ZNF441: variants seen among roughly 807,000 people sequenced by gnomAD.
ZNF441 encodes zinc finger protein 441.
ZNF441 carries 25 observed loss-of-function variants against 64.5 expected under a neutral mutation model. That is an observed-to-expected ratio of 0.39 (90% CI 0.28 to 0.54). The LOEUF is 0.54. Ranked by LOEUF, ZNF441 falls within the 20% of genes least tolerant of loss-of-function variation. The pLI is 0.70. For missense variants in ZNF441, 715 were observed against 843.3 expected, an observed-to-expected ratio of 0.85 and a Z score of 1.88; for synonymous variants, 262 against 268.0, an observed-to-expected ratio of 0.98 and a Z score of 0.22.
chr19:11,774,513 C>T (rs1481692434), intron 1 of ZNF441, among the ~76,000 whole-genome samples: 1 of 151,954 alleles, frequency 6.6e-6, no homozygotes, highest in Non-Finnish European at 1.5e-5. Context: ...TTCATTTTAG[C>T]TGATTTTTTA....
intron 1 of ZNF441, among the ~76,000 whole-genome samples, chr19:11,769,942 G>A (rs1975300178): frequency 6.6e-6 from 1 of 152,048 alleles, no homozygotes; most frequent in Non-Finnish European, 1.5e-5. Flanking sequence ...CCAAAGTGCT[G>A]GGATTACAGG....
chr19:11,781,306 G>C lies in ZNF441; in HGVS notation c.1482G>C (p.Met494Ile), dbSNP rs770014756. ...ATCTGAAAAGCTTTCAGAGACACAT[G>C]ATAATGCACACTGGAGATGGACCTC... is the stretch of plus-strand genomic sequence containing the variant. ...LSHLKSFQRH[M>I]IMHTGDGPHK... Residue 494 changes from methionine (M) to isoleucine (I), a missense_variant, in exon 4 of 4, where the codon ATG (methionine) becomes ATC (isoleucine). By Grantham distance (10) the Met-to-Ile change is conservative. Transcript: ENST00000357901. The C allele has an allele frequency of 6.2e-7, 1 of 1,613,458 alleles. No individual in the cohort carries two copies. Among genetic ancestry groups the C allele is most frequent in the African/African-American group, 1.3e-5 (1 of 74,748 alleles).
intron 1 of ZNF441, among the ~76,000 whole-genome samples, chr19:11,773,331 T>A (rs909921366): frequency 6.6e-6 from 1 of 152,252 alleles, no homozygotes; most frequent in African/African-American, 2.4e-5. Context: ...TTTCTATTTT[T>A]AAAAATGTGT....
intron 3 of ZNF441, among the ~76,000 whole-genome samples, chr19:11,778,866 A>C (rs768194790): frequency 8.5e-5 from 13 of 152,232 alleles, no homozygotes; most frequent in Non-Finnish European, 1.5e-4. Flanking sequence ...GGCTATGGCT[A>C]TTCAGTGCCT....
In ZNF441 at chr19:11,780,455, T is replaced by C; in HGVS notation, c.631T>C (p.Phe211Leu). 6.2e-7 allele frequency: 1 copy of C among 1,614,200 alleles called. No individual in the cohort carries two copies. Among genetic ancestry groups the C allele is most frequent in the Middle Eastern group, 1.6e-4 (1 of 6,062 alleles). Reference sequence around the variant, plus strand: ...AAACGCCTTTATTTGGCCTAGTTTATTTCATATGCTTAGAAGAACTCACAC... The same window carrying C: ...AAACGCCTTTATTTGGCCTAGTTTACTTCATATGCTTAGAAGAACTCACAC... ...CGNAFIWPSL[F>L]HMLRRTHTEE... Residue 211 changes from phenylalanine to leucine, a missense_variant, in exon 4 of 4, where the codon TTT becomes CTT. Physicochemically the swap from Phe to Leu is conservative, Grantham distance 22. This residue lies in a region of ZNF441 where 399 missense variants were observed against 413.9 expected (regional missense o/e 0.96). Coordinates refer to ENST00000357901, the MANE Select transcript of ZNF441 (RefSeq NM_152355.3).
intron 1 of ZNF441, among the ~76,000 whole-genome samples, chr19:11,771,645 G>A (rs1975314079): frequency 6.6e-6 from 1 of 152,154 alleles, no homozygotes; most frequent in African/African-American, 2.4e-5. Context: ...AGGGGACATA[G>A]TGAGGTGTGA....
In ZNF441 at chr19:11,780,004, T is replaced by C. The variant is rs759328212; in HGVS notation, c.195-15T>C. 2.0e-5 allele frequency: 32 copies of C among 1,571,200 alleles called. No individual in the cohort carries two copies. Among genetic ancestry groups the C allele is most frequent in the Non-Finnish European group, 2.6e-5 (30 of 1,151,540 alleles). On this transcript the variant is annotated splice_polypyrimidine_tract_variant and intron_variant, in intron 3 of 3. Coordinates refer to ENST00000357901, the MANE Select transcript of ZNF441 (RefSeq NM_152355.3). ...ATAAACAAACCTTTACTAATGTACT[T>C]CTTATTTTTTACAGATGTCATATGG...
intron 1 of ZNF441, among the ~76,000 whole-genome samples, chr19:11,774,039 A>G (rs536644999): frequency 1.3e-5 from 2 of 152,100 alleles, no homozygotes; most frequent in Non-Finnish European, 1.5e-5. Context: ...CTGAGCATGT[A>G]TATGATTCCA....
At chr19:11,771,252 T>C (rs1231177289) in intron 1 of ZNF441, among the ~76,000 whole-genome samples, 1 of 152,178 alleles carries the variant, frequency 6.6e-6, no homozygotes, top group Non-Finnish European at 1.5e-5. Context: ...TAGGAACAAC[T>C]GCATGCCCAC....
rs1975422534 is a variant in ZNF441, at chr19:11,783,705, G to A, written c.*1799G>A. 6.6e-6 allele frequency: 1 copy of A among 152,128 alleles called. No individual in the cohort carries two copies. The highest frequency in any genetic ancestry group is 1.9e-4 in the East Asian group (1 of 5,198). 9.4% of individuals were successfully genotyped at this position (152,128 alleles called of 1,614,324 possible). A position where few individuals can be genotyped will look rare whatever the true frequency, so the allele number is the denominator to read the frequency against. On this transcript the variant is annotated 3_prime_UTR_variant, in exon 4 of 4. Transcript: ENST00000357901. ...TACCACATGTTCTCACTTATATGTG[G>A]GAGGTGAAAAACTTCACCTCATGGA... is the stretch of plus-strand genomic sequence containing the variant.
intron 1 of ZNF441, among the ~76,000 whole-genome samples, chr19:11,775,056 G>C (rs994196570): frequency 6.6e-6 from 1 of 152,180 alleles, no homozygotes; most frequent in African/African-American, 2.4e-5. Flanking sequence ...TAGATTTCCT[G>C]AATGCTAGCA....
In ZNF441 at chr19:11,780,328, C is replaced by T; in HGVS notation, c.504C>T (p.Leu168=). ...IHERPQHGKK[L]YDCKECASFS... ...AAAGACCTCAGCATGGAAAGAAACT[C>T]TATGATTGTAAGGAATGTGCAAGCT... The change falls in exon 4 of 4, where the codon CTC becomes CTT. Residue 168 remains leucine (L), a synonymous_variant. Coordinates refer to ENST00000357901, the MANE Select transcript of ZNF441 (RefSeq NM_152355.3). 1.2e-6 allele frequency: 2 copies of T among 1,614,164 alleles called. No homozygotes were observed. Among genetic ancestry groups the T allele is most frequent in the Admixed American group, 1.7e-5 (1 of 60,020 alleles).
chr19:11,771,195 G>A (rs946715960), intron 1 of ZNF441, among the ~76,000 whole-genome samples: 4 of 150,084 alleles, frequency 2.7e-5, no homozygotes, highest in Non-Finnish European at 5.9e-5. Flanking sequence ...AGAAAGGGGG[G>A]TTATGATTAC....
chr19:11,778,815 T>G (rs2145083232), intron 3 of ZNF441, among the ~76,000 whole-genome samples: 1 of 152,346 alleles, frequency 6.6e-6, no homozygotes, highest in South Asian at 2.1e-4. Context: ...TTATTTATTC[T>G]TAGAAAATTT....
chr19:11,772,390 G>A (rs550359718), intron 1 of ZNF441, among the ~76,000 whole-genome samples: 38 of 152,250 alleles, frequency 2.5e-4, no homozygotes, highest in African/African-American at 8.4e-4. Flanking sequence ...TGTGGGGCTG[G>A]TCCCTACACC....
Position 11,780,042 on chromosome 19 carries a change from G to C in ZNF441, c.218G>C (p.Cys73Ser). Residue 73 changes from cysteine to serine, a missense_variant, in exon 4 of 4, where the codon TGT becomes TCT. Coordinates refer to ENST00000357901, the MANE Select transcript of ZNF441 (RefSeq NM_152355.3). ...AGATGTCATATGGTAGAGAGAGCCT[G>C]TGAAATTAAAGATAATAGTCAATGT... ...NLRCHMVERA[C>S]EIKDNSQCGG... The C allele has an allele frequency of 6.2e-7, 1 of 1,611,882 alleles. No individual in the cohort carries two copies. Among genetic ancestry groups the C allele is most frequent in the Non-Finnish European group, 8.5e-7 (1 of 1,178,110 alleles).
rs780607725 is a variant in ZNF441, at chr19:11,778,319, C to T, written c.131-11C>T. 5 of 1,519,912 alleles carry T rather than the reference C, an allele frequency of 3.3e-6. No homozygotes were observed. Among genetic ancestry groups the T allele is most frequent in the African/African-American group, 1.4e-5 (1 of 71,520 alleles). 94.2% of individuals were successfully genotyped at this position (1,519,912 alleles called of 1,614,324 possible). ...ATAATTTATAGTCATTTTTCTGGTTCTAACTTTTAGGAATGATATGGCAAA... is the reference window on the plus strand; with the variant it reads ...ATAATTTATAGTCATTTTTCTGGTTTTAACTTTTAGGAATGATATGGCAAA... On this transcript the variant is annotated splice_polypyrimidine_tract_variant and intron_variant, in intron 2 of 3. Coordinates refer to ENST00000357901, the MANE Select transcript of ZNF441 (RefSeq NM_152355.3).
Position 11,767,321 on chromosome 19 carries a change from T to C in ZNF441, c.3+125T>C, listed in dbSNP as rs936001126. 3.5e-6 allele frequency: 5 copies of C among 1,441,220 alleles called. No individual in the cohort carries two copies. Among genetic ancestry groups the C allele is most frequent in the African/African-American group, 1.4e-5 (1 of 70,328 alleles). The allele number at this position is 1,441,220 out of a possible 1,614,324, so 89.3% of individuals were successfully genotyped here. ...CACCCTGGCGCAGCTCGGCCCTCGGTTCCCTCGGCCGCACGATGGGGCTGG... is the reference window on the plus strand; with the variant it reads ...CACCCTGGCGCAGCTCGGCCCTCGGCTCCCTCGGCCGCACGATGGGGCTGG... On this transcript the variant is annotated intron_variant, in intron 1 of 3. Coordinates refer to ENST00000357901, the MANE Select transcript of ZNF441 (RefSeq NM_152355.3). The surrounding 1 kb of genome is among the most constrained non-coding windows in gnomAD (Gnocchi z 5.1).
chr19:11,778,664 A>G (rs1156323586), intron 3 of ZNF441, among the ~76,000 whole-genome samples: 20 of 152,082 alleles, frequency 1.3e-4, no homozygotes, highest in Non-Finnish European at 2.9e-4. Flanking sequence ...GCTGTGTTTG[A>G]CCAGACTCAT....
Sources: gnomAD v4.1 joint callset for allele counts (sites outside exome capture counted in the v4.1 genomes callset) on GRCh38, gnomAD v4.1.1 for gene constraint, gnomAD v4.1.1 regional missense constraint, Gnocchi (gnomAD v3.1) non-coding constraint, MANE v1.5 for transcripts, NCBI Gene and HGNC (gene_info 2026-07-23, HGNC 2026-07-21) for gene names.